The following CSMD1 variants were observed in gnomAD, a reference collection of about 807,000 sequenced individuals.
The protein encoded by CSMD1 is CUB and Sushi multiple domains 1.
In CSMD1, 213 loss-of-function variants were observed where a neutral mutation model predicts 417.5. The observed-to-expected ratio is 0.51, with a 90% CI of 0.46 to 0.57. The LOEUF (loss-of-function observed/expected upper bound fraction) is 0.57. Ranked by LOEUF, CSMD1 falls within the 20% of genes least tolerant of loss-of-function variation. The pLI is 0.00. For synonymous variants in CSMD1, 2,862 were observed against 1,736.8 expected (o/e 1.65, Z -16.11); for missense variants, 6,923 against 4,529.7 (o/e 1.53, Z -15.17).
rs183063391 is a variant in CSMD1, at chr8:4,476,289, T to A, written c.303-56224A>T. ...CATCATGATAGAGACCGGATGTTTATAAGCATGTATCTATTCTAACACGAA... is the reference window on the plus strand; with the variant it reads ...CATCATGATAGAGACCGGATGTTTAAAAGCATGTATCTATTCTAACACGAA... On this transcript the variant is annotated intron_variant, in intron 2 of 69. Coordinates refer to ENST00000635120, the MANE Select transcript of CSMD1 (RefSeq NM_033225.6). Among the ~76,000 whole-genome samples, 391 of 152,302 alleles carry A rather than the reference T, an allele frequency of 2.6e-3. 9 individuals carry two copies. The Middle Eastern group carries it at 0.051, about 20-fold the overall frequency.
intron 6 of CSMD1, among the ~76,000 whole-genome samples, chr8:3,740,668 G>C (rs1256546682): frequency 6.6e-6 from 1 of 152,190 alleles, no homozygotes; most frequent in Non-Finnish European, 1.5e-5. Flanking sequence ...GATTTTACGA[G>C]ATGTATTGGG....
At chr8:3,024,134 T>G (rs966602990) in intron 51 of CSMD1, among the ~76,000 whole-genome samples, 5 of 105,960 alleles carry the variant, frequency 4.7e-5, no homozygotes, top group South Asian at 8.1e-4. Flanking sequence ...CATGGTGTGG[T>G]GTGTGTGTGT....
At chr8:4,107,392 T>G (rs537519084) in intron 3 of CSMD1, among the ~76,000 whole-genome samples, 1 of 152,188 alleles carries the variant, frequency 6.6e-6, no homozygotes, top group African/African-American at 2.4e-5. Flanking sequence ...TATACAAAAA[T>G]CACTCGCTCC....
chr8:4,036,430 A>C (rs1023156900), intron 3 of CSMD1, among the ~76,000 whole-genome samples: 1 of 152,244 alleles, frequency 6.6e-6, no homozygotes, highest in East Asian at 1.9e-4. Context: ...TGAAGGAAAA[A>C]TATCATTAAT....
In CSMD1 at chr8:3,705,241, C is replaced by T. The variant is rs544657451; in HGVS notation, c.1009+3173G>A. On this transcript the variant is annotated intron_variant, in intron 7 of 69. Transcript: ENST00000635120. ...AGGGGCACAAGTTGGTGCTGAAATCCAGAGGGACATGAACGCACAAGGTCA... is the reference window on the plus strand; with the variant it reads ...AGGGGCACAAGTTGGTGCTGAAATCTAGAGGGACATGAACGCACAAGGTCA... Among the ~76,000 whole-genome samples the T allele has an allele frequency of 1.1e-4, 17 of 152,302 alleles. No homozygotes were observed. The East Asian group carries it at 2.9e-3, about 26-fold the overall frequency.
At chr8:3,805,052 C>A (rs938447444) in intron 5 of CSMD1, among the ~76,000 whole-genome samples, 5 of 151,948 alleles carry the variant, frequency 3.3e-5, no homozygotes, top group Non-Finnish European at 5.9e-5. Flanking sequence ...AATATAACAC[C>A]ACTTAGGCAC....
chr8:4,171,698 G>A (rs927829964), intron 3 of CSMD1, among the ~76,000 whole-genome samples: 1 of 148,640 alleles, frequency 6.7e-6, no homozygotes, highest in Non-Finnish European at 1.5e-5. Flanking sequence ...AAGTTAATTT[G>A]CTTATTCTGA....
intron 3 of CSMD1, among the ~76,000 whole-genome samples, chr8:4,165,751 C>T (rs1797421160): frequency 6.6e-6 from 1 of 152,208 alleles, no homozygotes; most frequent in South Asian, 2.1e-4. Flanking sequence ...CTCATCATTT[C>T]TTCCTGGTCA....
chr8:3,002,072 G>C (rs985556350), intron 52 of CSMD1, among the ~76,000 whole-genome samples: 17 of 152,156 alleles, frequency 1.1e-4, no homozygotes, highest in Non-Finnish European at 2.5e-4. Context: ...AAAAAGCCAG[G>C]CTAGATTTGG....
intron 42 of CSMD1, 105 bp downstream of exon 42, chr8:3,118,294 T>C: frequency 1.2e-6 from 1 of 802,362 alleles, no homozygotes. Context: ...TCAACGAATA[T>C]TTATTGAATA....
rs147604167 is a variant in CSMD1, at chr8:4,904,272, A to G, written c.85+90060T>C. Among the ~76,000 whole-genome samples the G allele has an allele frequency of 7.3e-3, 1,110 of 152,360 alleles. 13 individuals are homozygous for G. Among genetic ancestry groups the G allele is most frequent in the African/African-American group, 0.025 (1,036 of 41,582 alleles). ...TCATTATTCCTTAACTGTGGATTTT[A>G]GGAACAATGAAAGTACAGTAAATGT... On this transcript the variant is annotated intron_variant, in intron 1 of 69. Transcript: ENST00000635120.
chr8:4,163,722 A>G (rs1797295342), intron 3 of CSMD1, among the ~76,000 whole-genome samples: 1 of 152,198 alleles, frequency 6.6e-6, no homozygotes, highest in Non-Finnish European at 1.5e-5. Flanking sequence ...GGATGTGATG[A>G]TCTTGATTAA....
At chr8:3,714,852 G>C (rs940564139) in intron 6 of CSMD1, among the ~76,000 whole-genome samples, 2 of 152,096 alleles carry the variant, frequency 1.3e-5, no homozygotes, top group Non-Finnish European at 2.9e-5. Flanking sequence ...AATTATCTCA[G>C]AGCTTTATCA....
At chr8:4,650,711 G>A (rs1803842179) in intron 1 of CSMD1, among the ~76,000 whole-genome samples, 1 of 150,616 alleles carries the variant, frequency 6.6e-6, no homozygotes, top group Non-Finnish European at 1.5e-5. Context: ...TTATTTTACT[G>A]ATTTCTAATT....
At chr8:4,063,086 T>C (rs1325266481) in intron 3 of CSMD1, among the ~76,000 whole-genome samples, 1 of 152,166 alleles carries the variant, frequency 6.6e-6, no homozygotes, top group Non-Finnish European at 1.5e-5. Flanking sequence ...AACGTTCTAA[T>C]GTTTGATAGC....
chr8:4,361,004 T>G (rs1801726167), intron 3 of CSMD1, among the ~76,000 whole-genome samples: 1 of 152,192 alleles, frequency 6.6e-6, no homozygotes, highest in African/African-American at 2.4e-5. Flanking sequence ...TGAAGACATT[T>G]TAAAATAAAA....
chr8:3,849,202 G>A (rs560920073), intron 5 of CSMD1, among the ~76,000 whole-genome samples: 1 of 152,206 alleles, frequency 6.6e-6, no homozygotes, highest in South Asian at 2.1e-4. Context: ...ATCAACCTGG[G>A]AATGGTTGAT....
chr8:4,268,026 C>G (rs1042377429), intron 3 of CSMD1, among the ~76,000 whole-genome samples: 2 of 152,048 alleles, frequency 1.3e-5, no homozygotes, highest in African/African-American at 2.4e-5. Context: ...GACATATATA[C>G]GAGGTCATTC....
At chr8:3,478,488 G>T (rs1220394533) in intron 11 of CSMD1, among the ~76,000 whole-genome samples, 1 of 152,152 alleles carries the variant, frequency 6.6e-6, no homozygotes, top group Non-Finnish European at 1.5e-5. Flanking sequence ...GGCACAAGAA[G>T]CTACCAGAAG....
Sources: allele counts gnomAD v4.1 joint callset (sites outside exome capture counted in the v4.1 genomes callset), GRCh38; gene constraint gnomAD v4.1.1; transcripts MANE v1.5; gene names NCBI Gene and HGNC (gene_info 2026-07-23, HGNC 2026-07-21).